Variants in DCDC1 observed in about 807,000 individuals in gnomAD.
The protein encoded by DCDC1 is doublecortin domain containing 1.
Under a neutral mutation model 178.3 loss-of-function variants are expected in DCDC1, and 200 were observed. That is an observed-to-expected ratio of 1.12 (90% confidence interval 1.00 to 1.26). The LOEUF is 1.26. Among genes scored for constraint, DCDC1 ranks in the 50% most tolerant of loss-of-function variants. The pLI is 0.00. For synonymous variants in DCDC1, 690 were observed against 604.8 expected (o/e 1.14, Z -2.07); for missense variants, 1,983 against 1,749.2 (o/e 1.13, Z -2.38).
chr11:31,115,818 G>A (rs1488924399), intron 11 of DCDC1, among the ~76,000 whole-genome samples: 2 of 152,008 alleles, frequency 1.3e-5, no homozygotes, highest in Middle Eastern at 3.2e-3. Flanking sequence ...AACTGGGAAG[G>A]TACTTAAGGT....
chr11:30,914,022 A>G (rs545792383), intron 27 of DCDC1, among the ~76,000 whole-genome samples: 63 of 152,368 alleles, frequency 4.1e-4, no homozygotes, highest in African/African-American at 1.4e-3. Flanking sequence ...CAGCTCCATA[A>G]GAGTAAAGAT....
At chr11:31,250,928 T>C (rs1416132478) in intron 8 of DCDC1, among the ~76,000 whole-genome samples, 1 of 152,078 alleles carries the variant, frequency 6.6e-6, no homozygotes, top group Non-Finnish European at 1.5e-5. Flanking sequence ...CTAATTTTTG[T>C]ATTTTTAGCA....
chr11:31,127,195 G>A (rs1961761681), intron 11 of DCDC1, among the ~76,000 whole-genome samples: 1 of 152,156 alleles, frequency 6.6e-6, no homozygotes, highest in African/African-American at 2.4e-5. Flanking sequence ...GGAAAAGTGT[G>A]CAAATGTTCA....
chr11:31,233,062 T>C (rs1237504236), intron 9 of DCDC1, among the ~76,000 whole-genome samples: 2 of 150,798 alleles, frequency 1.3e-5, no homozygotes, highest in Non-Finnish European at 2.9e-5. Context: ...CACTCCAGCC[T>C]GGGTGATACA....
intron 20 of DCDC1, among the ~76,000 whole-genome samples, chr11:31,001,610 C>G (rs972055934): frequency 3.3e-5 from 5 of 152,112 alleles, no homozygotes; most frequent in African/African-American, 1.2e-4. Flanking sequence ...GACAAGGCAG[C>G]ATATACTACA....
intron 17 of DCDC1, 68 bp from the exon 18 acceptor site, chr11:31,077,993 A>G: frequency 2.7e-6 from 2 of 744,478 alleles, no homozygotes; most frequent in Admixed American, 1.8e-5. Context: ...GTTTTAAATA[A>G]AATGATCATT....
At chr11:31,083,128 T>C (rs1057374726) in intron 17 of DCDC1, among the ~76,000 whole-genome samples, 2 of 152,296 alleles carry the variant, frequency 1.3e-5, no homozygotes, top group South Asian at 4.1e-4. Context: ...AGTCCGGTAA[T>C]GTTTGCCAGT....
chr11:31,323,554 A>G (rs1484882130), intron 3 of DCDC1, among the ~76,000 whole-genome samples: 1 of 152,120 alleles, frequency 6.6e-6, no homozygotes, highest in Non-Finnish European at 1.5e-5. Context: ...TGACAAGCAT[A>G]TATTTCTTGC....
In DCDC1 at chr11:31,307,979, T is replaced by G. The variant is rs1193964447; in HGVS notation, c.165-71A>C. On this transcript the variant is annotated intron_variant, in intron 3 of 38. Transcript: ENST00000684477. ...TCATTTATTAACAAATACCATATAA[T>G]AACGAGTTGTGTGCTATGTGCTACA... is the stretch of plus-strand genomic sequence containing the variant. The G allele has an allele frequency of 4.4e-6, 7 of 1,577,330 alleles. No homozygotes were observed. In the Admixed American group the frequency reaches 1.0e-4, roughly 23 times the overall value.
chr11:31,038,075 T>G (rs10742254), intron 20 of DCDC1, among the ~76,000 whole-genome samples: 64,602 of 123,258 alleles, frequency 0.52, 17,552 homozygotes, highest in East Asian at 0.7. Flanking sequence ...GGCCTGTTGT[T>G]GGGGGAGGGG....
intron 9 of DCDC1, among the ~76,000 whole-genome samples, chr11:31,155,404 T>C (rs759678814): frequency 2.9e-4 from 44 of 152,348 alleles, no homozygotes; most frequent in Non-Finnish European, 5.7e-4. Flanking sequence ...AAGAGTCAAG[T>C]ATGTTTGAGC....
intron 3 of DCDC1, among the ~76,000 whole-genome samples, chr11:31,321,514 C>T (rs899978353): frequency 6.6e-6 from 1 of 152,290 alleles, no homozygotes; most frequent in African/African-American, 2.4e-5. Flanking sequence ...AGCTTCGGCT[C>T]GCGCACGGTG....
intron 3 of DCDC1, 90 bp from the exon 4 acceptor site, chr11:31,307,998 T>C: frequency 6.6e-7 from 1 of 1,525,800 alleles, no homozygotes; most frequent in African/African-American, 1.4e-5. Flanking sequence ...GTGTGCTATG[T>C]GCTACACAAA....
intron 1 of DCDC1, among the ~76,000 whole-genome samples, chr11:31,358,814 G>A (rs1174772058): frequency 6.6e-6 from 1 of 152,170 alleles, no homozygotes; most frequent in Non-Finnish European, 1.5e-5. Context: ...CATTTATGCA[G>A]CCAAAAAACA....
In DCDC1 at chr11:31,091,291, G is replaced by A. The variant is rs990794145; in HGVS notation, c.2237+102C>T. The A allele has an allele frequency of 1.1e-5, 6 of 566,620 alleles. No homozygotes were observed. The East Asian group carries it at 1.7e-4, about 16-fold the overall frequency. 35.1% of individuals were successfully genotyped at this position (566,620 alleles called of 1,614,324 possible). On this transcript the variant is annotated intron_variant, in intron 17 of 38. Transcript: ENST00000684477. ...TATTATGAACACAAATTTAAACATT[G>A]AATGAATATTCAATCCAAACCAGGA... is the stretch of plus-strand genomic sequence containing the variant.
At chr11:30,888,997 C>G (rs931133915) in intron 36 of DCDC1, among the ~76,000 whole-genome samples, 5 of 152,196 alleles carry the variant, frequency 3.3e-5, no homozygotes, top group South Asian at 2.1e-4. Context: ...AGGTACTTGC[C>G]TATCCAAATC....
intron 24 of DCDC1, 75 bp from the exon 25 acceptor site, chr11:30,921,010 T>A: frequency 6.9e-7 from 1 of 1,448,842 alleles, no homozygotes; most frequent in Non-Finnish European, 9.3e-7. Context: ...AAACACACAC[T>A]AAAATACAAA....
chr11:30,945,504 A>T (rs1947960512), intron 21 of DCDC1, among the ~76,000 whole-genome samples: 1 of 151,644 alleles, frequency 6.6e-6, no homozygotes, highest in Non-Finnish European at 1.5e-5. Flanking sequence ...GACCAATCTG[A>T]CCAACATGGT....
intron 18 of DCDC1, among the ~76,000 whole-genome samples, chr11:31,065,425 A>C (rs1956189768): frequency 6.6e-6 from 1 of 152,180 alleles, no homozygotes; most frequent in Non-Finnish European, 1.5e-5. Context: ...CTTATACATT[A>C]ATAATAATAG....
Sources: gnomAD v4.1 joint callset for allele counts (sites outside exome capture counted in the v4.1 genomes callset) on GRCh38, gnomAD v4.1.1 for gene constraint, MANE v1.5 for transcripts, NCBI Gene and HGNC (gene_info 2026-07-23, HGNC 2026-07-21) for gene names.